The following CADPS2 variants were observed in gnomAD, a reference collection of about 807,000 sequenced individuals.
The protein encoded by CADPS2 is calcium-dependent secretion activator 2.
CADPS2 carries 93 observed loss-of-function variants against 172.5 expected under a neutral mutation model. The ratio of observed to expected loss-of-function variants is 0.54; its 90% confidence interval spans 0.46 to 0.64. CADPS2 has a LOEUF of 0.64. Among genes scored for constraint, CADPS2 ranks in the 30% least tolerant of loss-of-function variants. The probability of loss-of-function intolerance (pLI) is 0.00; values close to 1 mark genes in which losing one functional copy is unlikely to be tolerated. For synonymous variants in CADPS2, 546 were observed against 555.2 expected (o/e 0.98, Z 0.23); for missense variants, 1,420 against 1,565.9 (o/e 0.91, Z 1.57).
intron 22 of CADPS2, among the ~76,000 whole-genome samples, chr7:122,391,982 A>G (rs1290251471): frequency 1.3e-5 from 2 of 152,128 alleles, no homozygotes; most frequent in Non-Finnish European, 2.9e-5. Context: ...TTTATGACTT[A>G]GTTTCCTTAA....
At chr7:122,644,882 T>C (rs936699068) in intron 3 of CADPS2, among the ~76,000 whole-genome samples, 1 of 152,154 alleles carries the variant, frequency 6.6e-6, no homozygotes, top group Non-Finnish European at 1.5e-5. Context: ...AACTCTCTTA[T>C]AGCTACCTTC....
intron 2 of CADPS2, chr7:122,698,139 A>C (rs2085420999): frequency 6.2e-7 from 1 of 1,613,984 alleles, no homozygotes. Context: ...TATAGCGTTC[A>C]AAGCAAATTA....
At chr7:122,461,877 A>T (rs1056694989) in intron 14 of CADPS2, among the ~76,000 whole-genome samples, 2 of 152,208 alleles carry the variant, frequency 1.3e-5, no homozygotes, top group Non-Finnish European at 2.9e-5. Context: ...TAAAGGTGTG[A>T]GCCACCTCGC....
At chr7:122,640,710 T>C (rs1339062305) in intron 3 of CADPS2, among the ~76,000 whole-genome samples, 3 of 152,030 alleles carry the variant, frequency 2.0e-5, no homozygotes, top group Non-Finnish European at 2.9e-5. Flanking sequence ...GGCAGGCGGA[T>C]CACAAGGTCA....
chr7:122,546,096 ATG>A (rs2063590331), intron 8 of CADPS2, among the ~76,000 whole-genome samples: 1 of 152,188 alleles, frequency 6.6e-6, no homozygotes, highest in South Asian at 2.1e-4. Flanking sequence ...TAGAAATATA[ATG>A]TTTGTAAACC....
At position 122,491,327 on chromosome 7, in the gene CADPS2, T is replaced by C. The variant is rs775004083; in HGVS notation, c.1636A>G (p.Thr546Ala). The C allele has an allele frequency of 6.8e-6, 11 of 1,607,500 alleles. No homozygotes were observed. The East Asian group carries it at 1.8e-4, about 26-fold the overall frequency. ...MQLEGYTVDY[T>A]DPHPGLQGGC... is the part of the protein sequence containing the mutation. ...TAAGATTTACCTGGGTGGGGATCGG[T>C]ATAATCCACAGTATAGCCTTCAAGC... is the stretch of plus-strand genomic sequence containing the variant. Residue 546 changes from threonine (T) to alanine (A), a missense_variant, in exon 10 of 30, where the codon ACC becomes GCC. Transcript: ENST00000449022.
rs146419608 is a variant in CADPS2 at position 122,615,807 on chromosome 7, T to C, written c.1105-508A>G. Among the ~76,000 whole-genome samples the C allele has an allele frequency of 2.6e-3, 399 of 152,232 alleles. 8 individuals are homozygous for C. The highest frequency in any genetic ancestry group is 0.016 in the Admixed American group (239 of 15,288). ...CACTTATTTGAGATTACTATTATTG[T>C]CTGTAAAAGAGTTTAATTTATGGAC... is the stretch of plus-strand genomic sequence containing the variant. On this transcript the variant is annotated intron_variant, in intron 5 of 29. Coordinates refer to ENST00000449022, the MANE Select transcript of CADPS2 (RefSeq NM_017954.11).
At chr7:122,361,191 G>A (rs1355810046) in intron 25 of CADPS2, among the ~76,000 whole-genome samples, 178 bp from the exon 26 acceptor site, 4 of 143,590 alleles carry the variant, frequency 2.8e-5, no homozygotes, top group African/African-American at 5.2e-5. Context: ...GAACTCTACT[G>A]TCCTTTTCTT....
chr7:122,578,354 G>C (rs1041453478), intron 7 of CADPS2, among the ~76,000 whole-genome samples: 4 of 152,102 alleles, frequency 2.6e-5, no homozygotes, highest in Admixed American at 6.6e-5. Context: ...AAGCAGGTAT[G>C]AGTGTACAAT....
intron 1 of CADPS2, among the ~76,000 whole-genome samples, chr7:122,787,364 CTACCAGCTAGT>C (rs1363451348): frequency 3.3e-5 from 5 of 152,208 alleles, no homozygotes; most frequent in African/African-American, 9.6e-5. Flanking sequence ...AACCACAGGT[CTACCAGCTAGT>C]TACTTGTTAT....
chr7:122,755,548 A>G (rs1395243908), intron 1 of CADPS2, among the ~76,000 whole-genome samples: 1 of 152,204 alleles, frequency 6.6e-6, no homozygotes. Flanking sequence ...CAGAGACGAC[A>G]CTAATTCAAA....
In CADPS2 at chr7:122,654,071, T is replaced by C. The variant is rs1050124896; in HGVS notation, c.786+9166A>G. ...ATGTCATAAGAAGAGACGGGTCAAA[T>C]GCTAGGCCTCTTGCACCAAACAGCC... On this transcript the variant is annotated intron_variant, in intron 3 of 29. Coordinates refer to ENST00000449022, the MANE Select transcript of CADPS2 (RefSeq NM_017954.11). Among the ~76,000 whole-genome samples the C allele has an allele frequency of 7.2e-5, 11 of 152,156 alleles. No homozygotes were observed. In the East Asian group the frequency reaches 1.2e-3, roughly 16 times the overall value.
intron 8 of CADPS2, among the ~76,000 whole-genome samples, chr7:122,539,498 A>T (rs2062679987): frequency 6.6e-6 from 1 of 152,130 alleles, no homozygotes; most frequent in African/African-American, 2.4e-5. Flanking sequence ...AAGAGATGGG[A>T]TCAGAAATGA....
chr7:122,796,796 A>G (rs958936270), intron 1 of CADPS2, among the ~76,000 whole-genome samples: 1 of 152,182 alleles, frequency 6.6e-6, no homozygotes, highest in Admixed American at 6.5e-5. Context: ...ACCATTCCGG[A>G]AAGAGCAATG....
Position 122,444,989 on chromosome 7 carries a change from C to T in CADPS2, c.2289-3414G>A, listed in dbSNP as rs76307092. On this transcript the variant is annotated intron_variant, in intron 15 of 29. Coordinates refer to ENST00000449022, the MANE Select transcript of CADPS2 (RefSeq NM_017954.11). ...TTTGCATTTGAATATCCAATAGTTC[C>T]GGTAGCATCTGTCGGAAAAAAGTAT... Among the ~76,000 whole-genome samples the T allele has an allele frequency of 6.7e-3, 1,022 of 152,168 alleles. 17 individuals carry two copies. The highest frequency in any genetic ancestry group is 0.023 in the African/African-American group (970 of 41,534).
Position 122,320,030 on chromosome 7 carries a change from G to A in CADPS2, c.*135C>T. ...CATTTCCCCTTTTACTCTACATTCA[G>A]GCTTACTTTTTAAAGAAATACAAGC... On this transcript the variant is annotated 3_prime_UTR_variant, in exon 30 of 30. Transcript: ENST00000449022. The A allele has an allele frequency of 1.1e-6, 1 of 893,116 alleles. No homozygotes were observed. The allele number at this position is 893,116 out of a possible 1,614,324, so 55.3% of individuals were successfully genotyped here. A position where few individuals can be genotyped will look rare whatever the true frequency, so the allele number is the denominator to read the frequency against.
At chr7:122,526,532 C>A (rs2131178884) in intron 8 of CADPS2, among the ~76,000 whole-genome samples, 1 of 152,208 alleles carries the variant, frequency 6.6e-6, no homozygotes, top group African/African-American at 2.4e-5. Flanking sequence ...ACACGAAGAA[C>A]TCCTCTGTAC....
chr7:122,399,948 A>T (rs2045732778), intron 20 of CADPS2, among the ~76,000 whole-genome samples: 1 of 147,062 alleles, frequency 6.8e-6, no homozygotes, highest in Non-Finnish European at 1.5e-5. Context: ...TGCTGGGATT[A>T]CAGGCGTGAG....
In CADPS2 at chr7:122,549,427, C is replaced by G. The variant is rs201484787; in HGVS notation, c.1475+5123G>C. Among the ~76,000 whole-genome samples, 9 of 152,024 alleles carry G rather than the reference C, an allele frequency of 5.9e-5. No individual in the cohort carries two copies. The East Asian group carries it at 1.7e-3, about 29-fold the overall frequency. ...TTTATTTTGTAGTTACCATCGCACT[C>G]AAGACATTCGTGTGATTGTATAATT... On this transcript the variant is annotated intron_variant, in intron 8 of 29. Transcript: ENST00000449022.
Sources: allele counts gnomAD v4.1 joint callset (sites outside exome capture counted in the v4.1 genomes callset), GRCh38; gene constraint gnomAD v4.1.1; transcripts MANE v1.5; gene names NCBI Gene and HGNC (gene_info 2026-07-23, HGNC 2026-07-21).